RFX3: variants seen among roughly 807,000 people sequenced by gnomAD.
RFX3 encodes the protein transcription factor RFX3.
A neutral mutation model predicts 98.6 loss-of-function variants in RFX3; 14 were observed. The observed-to-expected ratio is 0.14, with a 90% CI of 0.09 to 0.22. The LOEUF is 0.22. Ranked by LOEUF, RFX3 falls within the 10% of genes least tolerant of loss-of-function variation. The pLI is 1.00. For synonymous variants in RFX3, 383 were observed against 328.4 expected, an observed-to-expected ratio of 1.17 and a Z score of -1.80; for missense variants, 639 against 926.9, an observed-to-expected ratio of 0.69 and a Z score of 4.03.
At chr9:3,442,547 G>A (rs1196822527) in intron 1 of RFX3, among the ~76,000 whole-genome samples, 1 of 152,110 alleles carries the variant, frequency 6.6e-6, no homozygotes, top group Non-Finnish European at 1.5e-5. Flanking sequence ...GATATTAGTG[G>A]AAAAACTGAT....
intron 1 of RFX3, among the ~76,000 whole-genome samples, chr9:3,511,609 G>C (rs1002372683): frequency 6.6e-6 from 1 of 152,034 alleles, no homozygotes; most frequent in African/African-American, 2.4e-5. Context: ...GCAGAAGATA[G>C]TTGGTTCTCT....
At chr9:3,231,061 T>C (rs760599099) in intron 15 of RFX3, among the ~76,000 whole-genome samples, 6 of 152,198 alleles carry the variant, frequency 3.9e-5, no homozygotes, top group Non-Finnish European at 8.8e-5. Context: ...ATCTCAGTGA[T>C]TGTTATTATC....
chr9:3,431,800 C>T (rs929169058), intron 1 of RFX3, among the ~76,000 whole-genome samples: 4 of 152,058 alleles, frequency 2.6e-5, no homozygotes, highest in African/African-American at 9.7e-5. Context: ...CAGACGAGTT[C>T]CCAGACAAAT....
chr9:3,488,513 T>G (rs943871541), intron 1 of RFX3, among the ~76,000 whole-genome samples: 2 of 152,146 alleles, frequency 1.3e-5, no homozygotes, highest in African/African-American at 4.8e-5. Context: ...TCAAATGGTT[T>G]GAGAAATATA....
chr9:3,424,449 C>A (rs893198881), intron 1 of RFX3, among the ~76,000 whole-genome samples: 1 of 148,890 alleles, frequency 6.7e-6, no homozygotes, highest in Non-Finnish European at 1.5e-5. Flanking sequence ...GCAAGCTCCG[C>A]CTCCCGGGTT....
chr9:3,239,607 G>A (rs905067797), intron 15 of RFX3, among the ~76,000 whole-genome samples: 6 of 152,186 alleles, frequency 3.9e-5, no homozygotes, highest in African/African-American at 1.2e-4. Flanking sequence ...GTGTGCAGGC[G>A]GTGAAGTGTT....
chr9:3,484,231 T>C (rs1850057179), intron 1 of RFX3, among the ~76,000 whole-genome samples: 1 of 152,208 alleles, frequency 6.6e-6, no homozygotes, highest in Non-Finnish European at 1.5e-5. Flanking sequence ...CATGGATATA[T>C]AGAACCTACT....
intron 6 of RFX3, among the ~76,000 whole-genome samples, chr9:3,289,900 T>G (rs2131600003): frequency 6.6e-6 from 1 of 152,256 alleles, no homozygotes; most frequent in Non-Finnish European, 1.5e-5. Flanking sequence ...ATTATTTTAT[T>G]GATAGATAAT....
chr9:3,351,329 A>G (rs1016712973), intron 2 of RFX3, among the ~76,000 whole-genome samples: 2 of 152,096 alleles, frequency 1.3e-5, no homozygotes, highest in Non-Finnish European at 2.9e-5. Context: ...ATGTAAATAT[A>G]CAAACATATA....
At chr9:3,283,047 T>A (rs906245015) in intron 7 of RFX3, among the ~76,000 whole-genome samples, 2 of 151,804 alleles carry the variant, frequency 1.3e-5, no homozygotes, top group African/African-American at 2.4e-5. Flanking sequence ...AGTTATTGAG[T>A]TGTGATTATT....
At chr9:3,436,986 G>A (rs1019289951) in intron 1 of RFX3, among the ~76,000 whole-genome samples, 9 of 151,934 alleles carry the variant, frequency 5.9e-5, no homozygotes, top group Non-Finnish European at 1.2e-4. Context: ...CCACGTTTTT[G>A]TTAGGAAGTT....
intron 10 of RFX3, 188 bp downstream of exon 10, chr9:3,270,815 G>A: frequency 2.7e-6 from 2 of 752,326 alleles, no homozygotes; most frequent in Admixed American, 2.8e-5. Flanking sequence ...CAGTACAAAT[G>A]GGAGCTATAT....
chr9:3,252,512 G>A (rs1034001654), intron 14 of RFX3, among the ~76,000 whole-genome samples: 1 of 152,196 alleles, frequency 6.6e-6, no homozygotes, highest in Non-Finnish European at 1.5e-5. Context: ...GAACACAGGT[G>A]AAGAGTCTTC....
intron 3 of RFX3, among the ~76,000 whole-genome samples, chr9:3,332,127 T>C (rs1037206956): frequency 1.2e-4 from 19 of 152,176 alleles, no homozygotes; most frequent in Non-Finnish European, 2.5e-4. Flanking sequence ...TCTTTTCCAT[T>C]ATCATACACA....
rs114217209 is a variant in RFX3 at position 3,295,136 on chromosome 9, G to A, written c.550-1878C>T. 7.5e-3 allele frequency among the ~76,000 whole-genome samples: 1,137 copies of A among 152,022 alleles called. 7 individuals carry two copies. The highest frequency in any genetic ancestry group is 0.026 in the African/African-American group (1,076 of 41,504). ...CATTTAGTATAAAAGAGATAAGGCA[G>A]TCTGATTGGGAAATTAAGTTACTGA... On this transcript the variant is annotated intron_variant, in intron 5 of 16. Transcript: ENST00000617270.
chr9:3,429,061 C>G (rs947544187), intron 1 of RFX3, among the ~76,000 whole-genome samples: 2 of 143,698 alleles, frequency 1.4e-5, no homozygotes, highest in African/African-American at 5.3e-5. Flanking sequence ...CTCGCTGTGT[C>G]TCCCAGGCTG....
At chr9:3,370,044 T>C (rs1380820147) in intron 2 of RFX3, among the ~76,000 whole-genome samples, 1 of 147,238 alleles carries the variant, frequency 6.8e-6, no homozygotes, top group Non-Finnish European at 1.5e-5. Flanking sequence ...GGTTTCCCCG[T>C]GTTAGCCAGG....
chr9:3,332,796 T>C (rs1172003738), intron 3 of RFX3, among the ~76,000 whole-genome samples: 1 of 152,160 alleles, frequency 6.6e-6, no homozygotes, highest in Admixed American at 6.5e-5. Context: ...AAAGTGCCAT[T>C]TTCTCTTGCC....
At chr9:3,308,940 T>G (rs906062202) in intron 4 of RFX3, among the ~76,000 whole-genome samples, 1 of 152,048 alleles carries the variant, frequency 6.6e-6, no homozygotes, top group Non-Finnish European at 1.5e-5. Flanking sequence ...TCCCAGGAGT[T>G]GCCTTCATTT....
Sources: allele counts gnomAD v4.1 joint callset (sites outside exome capture counted in the v4.1 genomes callset), GRCh38; gene constraint gnomAD v4.1.1; transcripts MANE v1.5; gene names NCBI Gene and HGNC (gene_info 2026-07-23, HGNC 2026-07-21).